Variants in ADGRV1 observed in about 807,000 individuals in gnomAD.
The protein encoded by ADGRV1 is adhesion G protein-coupled receptor V1.
A neutral mutation model predicts 596.2 loss-of-function variants in ADGRV1; 359 were observed. The ratio of observed to expected loss-of-function variants is 0.60; its 90% CI spans 0.55 to 0.66. The LOEUF (loss-of-function observed/expected upper bound fraction) is 0.66, where lower values mean the gene tolerates loss of function less well. Ranked by LOEUF, ADGRV1 falls within the 30% of genes least tolerant of loss-of-function variation. The pLI is 0.00. For missense variants in ADGRV1, 7,274 were observed against 7,575.6 expected, an observed-to-expected ratio of 0.96 and a Z score of 1.48; for synonymous variants, 2,681 against 2,679.2, an observed-to-expected ratio of 1.00 and a Z score of -0.02.
intron 50 of ADGRV1, among the ~76,000 whole-genome samples, chr5:90,735,751 T>C (rs993476722): frequency 8.5e-5 from 13 of 152,116 alleles, no homozygotes; most frequent in Admixed American, 5.9e-4. Context: ...GTAAATAGGC[T>C]TGTTTTCTTA....
At chr5:90,683,152 C>T (rs550096216) in intron 27 of ADGRV1, among the ~76,000 whole-genome samples, 9 of 152,104 alleles carry the variant, frequency 5.9e-5, no homozygotes, top group Non-Finnish European at 1.0e-4. Context: ...ATAGAAGCTA[C>T]GTTTTTTTCA....
chr5:90,805,262 T>TCA, intron 71 of ADGRV1, 22 bp from the exon 72 acceptor site: 1 of 1,601,280 alleles, frequency 6.2e-7, no homozygotes, highest in Non-Finnish European at 8.5e-7. Flanking sequence ...AATAAAATAC[T>TCA]CTAAGCATGA....
intron 85 of ADGRV1, among the ~76,000 whole-genome samples, chr5:90,998,263 C>G (rs1196164844): frequency 6.6e-6 from 1 of 152,130 alleles, no homozygotes; most frequent in Non-Finnish European, 1.5e-5. Flanking sequence ...ATGAGACTGT[C>G]TTGGTCGGTG....
intron 58 of ADGRV1, among the ~76,000 whole-genome samples, chr5:90,760,569 T>C (rs1756413608): frequency 6.6e-6 from 1 of 152,198 alleles, no homozygotes; most frequent in Admixed American, 6.5e-5. Context: ...GTCTGGGTGT[T>C]ACATCCCACA....
chr5:90,872,931 CTG>C (rs1301388854), intron 83 of ADGRV1, among the ~76,000 whole-genome samples: 1 of 152,200 alleles, frequency 6.6e-6, no homozygotes, highest in Admixed American at 6.5e-5. Context: ...CTTTGTAACT[CTG>C]TGAAATCTTG....
At chr5:90,650,073 C>A (rs900272797) in intron 17 of ADGRV1, among the ~76,000 whole-genome samples, 5 of 151,884 alleles carry the variant, frequency 3.3e-5, no homozygotes, top group African/African-American at 9.7e-5. Flanking sequence ...CCTTTCTTAG[C>A]TCTTTCCTCC....
intron 85 of ADGRV1, among the ~76,000 whole-genome samples, chr5:91,067,874 C>G (rs950610580): frequency 6.6e-6 from 1 of 152,024 alleles, no homozygotes; most frequent in South Asian, 2.1e-4. Context: ...AATGAGTAAC[C>G]AGCATGACCA....
chr5:90,668,572 T>G (rs1235168249), intron 21 of ADGRV1, among the ~76,000 whole-genome samples: 5 of 152,096 alleles, frequency 3.3e-5, no homozygotes, highest in Non-Finnish European at 7.4e-5. Flanking sequence ...ACCCGTCTTC[T>G]GCGTTGCTCA....
At chr5:90,754,386 A>G (rs1364393083) in intron 54 of ADGRV1, among the ~76,000 whole-genome samples, 1 of 152,224 alleles carries the variant, frequency 6.6e-6, no homozygotes, top group East Asian at 1.9e-4. Context: ...ATGGACATCC[A>G]GCTTTCAAGT....
At chr5:90,928,513 T>C (rs1231630437) in intron 83 of ADGRV1, among the ~76,000 whole-genome samples, 4 of 150,168 alleles carry the variant, frequency 2.7e-5, no homozygotes, top group East Asian at 3.9e-4. Context: ...CTGTATTGCT[T>C]ATTCTAGTTA....
chr5:90,562,467 A>T (rs141041952), intron 1 of ADGRV1, among the ~76,000 whole-genome samples: 172 of 152,238 alleles, frequency 1.1e-3, no homozygotes, highest in African/African-American at 3.8e-3. Flanking sequence ...GGTGGAGCTG[A>T]GGCACAAGCG....
chr5:90,898,141 A>G (rs1385242474), intron 83 of ADGRV1, among the ~76,000 whole-genome samples: 1 of 152,204 alleles, frequency 6.6e-6, no homozygotes, highest in East Asian at 1.9e-4. Context: ...CCCATGGCAC[A>G]TTTATATGTA....
At chr5:90,978,702 T>C (rs938556697) in intron 84 of ADGRV1, among the ~76,000 whole-genome samples, 3 of 152,118 alleles carry the variant, frequency 2.0e-5, no homozygotes, top group African/African-American at 7.2e-5. Context: ...CATAAATATA[T>C]ACCTATTGTG....
intron 84 of ADGRV1, among the ~76,000 whole-genome samples, chr5:90,979,308 C>A (rs1223711978): frequency 1.3e-5 from 2 of 151,920 alleles, no homozygotes; most frequent in Non-Finnish European, 2.9e-5. Flanking sequence ...GCTGGGACTA[C>A]AGGCATGTAA....
intron 61 of ADGRV1, 137 bp downstream of exon 61, chr5:90,776,713 G>T (rs1758281996): frequency 1.1e-6 from 1 of 948,360 alleles, no homozygotes; most frequent in South Asian, 1.6e-5. Flanking sequence ...ACATCCTGTG[G>T]AGAGGAGAAC....
At chr5:91,118,835 G>T (rs545577753) in intron 87 of ADGRV1, among the ~76,000 whole-genome samples, 1 of 152,074 alleles carries the variant, frequency 6.6e-6, no homozygotes, top group South Asian at 2.1e-4. Flanking sequence ...ACCAGTCAGG[G>T]GCCCTCTGAA....
chr5:90,609,555 A>G (rs912574948), intron 1 of ADGRV1, among the ~76,000 whole-genome samples: 1 of 151,962 alleles, frequency 6.6e-6, no homozygotes, highest in African/African-American at 2.4e-5. Context: ...TACAAATAAG[A>G]CAGATTAAGA....
Position 90,653,507 on chromosome 5 carries a change from C to T in ADGRV1, c.3933C>T (p.Thr1311=), listed in dbSNP as rs759828166. 1.4e-5 allele frequency: 23 copies of T among 1,613,900 alleles called. No individual in the cohort carries two copies. Among genetic ancestry groups the T allele is most frequent in the South Asian group, 8.8e-5 (8 of 91,072 alleles). The change falls in exon 20 of 90, where the codon ACC becomes ACT. Residue 1311 remains threonine, a synonymous_variant. Coordinates refer to ENST00000405460, the MANE Select transcript of ADGRV1 (RefSeq NM_032119.4). Reference sequence around the variant, plus strand: ...TACTGGTTGGAATTTTCCCCACCACCGTGCATTTACAACAGCACATGCGGC... The same window carrying T: ...TACTGGTTGGAATTTTCCCCACCACTGTGCATTTACAACAGCACATGCGGC... ...DFLLVGIFPT[T]VHLQQHMRRH... is the part of the protein sequence containing the mutation.
chr5:91,009,856 T>C (rs1782585725), intron 85 of ADGRV1, among the ~76,000 whole-genome samples: 1 of 152,072 alleles, frequency 6.6e-6, no homozygotes, highest in Non-Finnish European at 1.5e-5. Context: ...ACTAAAAGCA[T>C]CGGAAAATTA....
Sources: allele counts gnomAD v4.1 joint callset (sites outside exome capture counted in the v4.1 genomes callset), GRCh38; gene constraint gnomAD v4.1.1; transcripts MANE v1.5; gene names NCBI Gene and HGNC (gene_info 2026-07-23, HGNC 2026-07-21).